The following UNC13C variants were observed in gnomAD, a reference collection of about 807,000 sequenced individuals.
UNC13C encodes the protein protein unc-13 homolog C.
A neutral mutation model predicts 245.4 loss-of-function variants in UNC13C; 174 were observed. The observed-to-expected ratio is 0.71, with a 90% CI of 0.63 to 0.80. The LOEUF (loss-of-function observed/expected upper bound fraction) is 0.80, where lower values mean the gene tolerates loss of function less well. UNC13C is among the 30% of genes least tolerant of loss of function. The pLI is 0.00. For synonymous variants in UNC13C, 992 were observed against 895.1 expected (o/e 1.11, Z -1.93); for missense variants, 2,829 against 2,602.9 (o/e 1.09, Z -1.89).
chr15:54,037,128 T>C (rs1896606889), intron 2 of UNC13C, among the ~76,000 whole-genome samples: 1 of 152,256 alleles, frequency 6.6e-6, no homozygotes, highest in South Asian at 2.1e-4. Flanking sequence ...AAACCTTAAA[T>C]GCTTCTTGAA....
At chr15:54,041,394 ATAT>A (rs1896801566) in intron 2 of UNC13C, among the ~76,000 whole-genome samples, 1 of 152,312 alleles carries the variant, frequency 6.6e-6, no homozygotes, top group African/African-American at 2.4e-5. Context: ...TTCATTTTAA[ATAT>A]TATTTCTTTA....
intron 19 of UNC13C, among the ~76,000 whole-genome samples, chr15:54,444,822 AT>A (rs939747043): frequency 6.6e-6 from 1 of 151,406 alleles, no homozygotes; most frequent in African/African-American, 2.4e-5. Context: ...ATATATATGT[AT>A]TTTTTATTGT....
intron 19 of UNC13C, among the ~76,000 whole-genome samples, chr15:54,481,702 G>A (rs8039193): frequency 0.11 from 16,124 of 152,022 alleles, 1,246 homozygotes; most frequent in African/African-American, 0.22. Context: ...CTGTATGCAA[G>A]CACCAGTGGT....
chr15:54,023,217 C>T (rs1249516639), intron 2 of UNC13C, among the ~76,000 whole-genome samples: 1 of 152,184 alleles, frequency 6.6e-6, no homozygotes, highest in Non-Finnish European at 1.5e-5. Context: ...AAGGAAGGCC[C>T]AACATCATAT....
intron 1 of UNC13C, among the ~76,000 whole-genome samples, chr15:54,011,521 C>G (rs779532483): frequency 1.3e-5 from 2 of 152,080 alleles, no homozygotes; most frequent in Non-Finnish European, 2.9e-5. Flanking sequence ...TTTCCAAAGC[C>G]TTTTCTTCAC....
chr15:54,506,330 G>A lies in UNC13C; in HGVS notation c.5302-787G>A, dbSNP rs1187628270. Among the ~76,000 whole-genome samples the A allele has an allele frequency of 2.6e-5, 4 of 152,140 alleles. No individual in the cohort carries two copies. The East Asian group carries it at 7.7e-4, about 29-fold the overall frequency. The stretch of plus-strand genomic sequence containing the variant: ...AGTATTCATACGTACAAACGAATAA[G>A]TATTTCATAGGTAAGTCCAAAGTAA... On this transcript the variant is annotated intron_variant, in intron 22 of 32. Transcript: ENST00000260323.
At chr15:54,111,161 C>A (rs573071452) in intron 2 of UNC13C, among the ~76,000 whole-genome samples, 1 of 152,280 alleles carries the variant, frequency 6.6e-6, no homozygotes, top group South Asian at 2.1e-4. Flanking sequence ...CTTGGAGAAA[C>A]ATCCTCCTGT....
chr15:53,990,188 A>T (rs760293658), intron 1 of UNC13C, among the ~76,000 whole-genome samples: 11 of 152,100 alleles, frequency 7.2e-5, no homozygotes, highest in Non-Finnish European at 1.5e-4. Context: ...ACTCTCTTAA[A>T]GGACTTTAAA....
At chr15:54,601,189 A>G (rs1899397370) in intron 30 of UNC13C, among the ~76,000 whole-genome samples, 1 of 152,208 alleles carries the variant, frequency 6.6e-6, no homozygotes, top group South Asian at 2.1e-4. Context: ...CATGCAATGA[A>G]TATGAGTAAA....
At chr15:54,145,948 G>A (rs1301881860) in intron 4 of UNC13C, among the ~76,000 whole-genome samples, 2 of 152,120 alleles carry the variant, frequency 1.3e-5, no homozygotes, top group South Asian at 2.1e-4. Flanking sequence ...ACATTGTTAC[G>A]TTTTCTGAAA....
At chr15:54,141,289 T>A (rs1485503969) in intron 2 of UNC13C, among the ~76,000 whole-genome samples, 1 of 152,194 alleles carries the variant, frequency 6.6e-6, no homozygotes, top group African/African-American at 2.4e-5. Context: ...ATTATAATTC[T>A]TGTAAAAATA....
chr15:54,111,474 G>A (rs1225095566), intron 2 of UNC13C, among the ~76,000 whole-genome samples: 1 of 152,134 alleles, frequency 6.6e-6, no homozygotes, highest in African/African-American at 2.4e-5. Context: ...CTTGATTGGA[G>A]GCAGTGGAGG....
chr15:54,192,857 T>C (rs1313140466), intron 4 of UNC13C, among the ~76,000 whole-genome samples: 5 of 151,884 alleles, frequency 3.3e-5, no homozygotes, highest in African/African-American at 4.8e-5. Flanking sequence ...TTTGGTTTTA[T>C]CTAATACAGG....
At position 54,549,635 on chromosome 15, in the gene UNC13C, G is replaced by A. The variant is rs559979535; in HGVS notation, c.5821G>A (p.Gly1941Arg). The A allele has an allele frequency of 6.2e-7, 1 of 1,600,840 alleles. No homozygotes were observed. The highest frequency in any genetic ancestry group is 2.2e-5 in the East Asian group (1 of 44,476). ...TCTCTCACTTTTTCTTTGTTTCTAG[G>A]GACCCCAGATGATTTTCATTGCAGC... ...IVLPPLTDQT[G>R]PQMIFIAAKD... Residue 1941 changes from glycine (G) to arginine (R), a missense_variant and splice_region_variant, in exon 28 of 33, where the codon GGA becomes AGA. Gly to Arg is a moderately radical substitution (Grantham distance 125). Transcript: ENST00000260323.
chr15:53,946,893 T>C, the UNC13C span, among the ~76,000 whole-genome samples: 2 of 152,124 alleles, frequency 1.3e-5, no homozygotes, highest in African/African-American at 2.4e-5. Flanking sequence ...TGGATTTGGT[T>C]TGCAAGTATT....
At chr15:54,295,233 CT>C (rs1370299214) in intron 11 of UNC13C, among the ~76,000 whole-genome samples, 1 of 152,120 alleles carries the variant, frequency 6.6e-6, no homozygotes. Context: ...CAAATTATTT[CT>C]TTATGAAAGA....
At chr15:54,190,758 G>T (rs754973010) in intron 4 of UNC13C, among the ~76,000 whole-genome samples, 6 of 151,890 alleles carry the variant, frequency 4.0e-5, no homozygotes, top group Non-Finnish European at 8.8e-5. Flanking sequence ...ATATATAATA[G>T]ATAAACTTTG....
chr15:53,996,411 A>T (rs533719739), intron 1 of UNC13C, among the ~76,000 whole-genome samples: 10 of 152,294 alleles, frequency 6.6e-5, no homozygotes, highest in South Asian at 4.1e-4. Context: ...CACACTGCTT[A>T]GGCCCTTATG....
At chr15:54,022,538 C>T (rs6493660) in intron 2 of UNC13C, among the ~76,000 whole-genome samples, 4,071 of 152,238 alleles carry the variant, frequency 0.027, 184 homozygotes, top group African/African-American at 0.092. Context: ...CTTCCATTTA[C>T]ATCTATCCTT....
Sources: gnomAD v4.1 joint callset for allele counts (sites outside exome capture counted in the v4.1 genomes callset) on GRCh38, gnomAD v4.1.1 for gene constraint, MANE v1.5 for transcripts, NCBI Gene and HGNC (gene_info 2026-07-23, HGNC 2026-07-21) for gene names.